Variants in GCSAM observed in about 807,000 individuals in gnomAD.
GCSAM encodes germinal center-associated signaling and motility protein.
GCSAM carries 8 observed loss-of-function variants against 17.6 expected under a neutral mutation model. The observed-to-expected ratio is 0.46, with a 90% CI of 0.27 to 0.82. The LOEUF (loss-of-function observed/expected upper bound fraction) is 0.82. Ranked by LOEUF, GCSAM falls within the 40% of genes least tolerant of loss-of-function variation. The pLI is 0.15. For missense variants in GCSAM, 192 were observed against 213.5 expected, an observed-to-expected ratio of 0.90 and a Z score of 0.63; for synonymous variants, 68 against 69.0, an observed-to-expected ratio of 0.98 and a Z score of 0.07.
intron 1 of GCSAM, among the ~76,000 whole-genome samples, chr3:112,131,762 G>A (rs564037259): frequency 6.6e-6 from 1 of 152,308 alleles, no homozygotes; most frequent in African/African-American, 2.4e-5. Context: ...CAAAACTTAT[G>A]TGAGTTGATT....
At chr3:112,126,906 G>T in intron 4 of GCSAM, 81 bp downstream of exon 4, 1 of 953,326 alleles carries the variant, frequency 1.0e-6, no homozygotes, top group Non-Finnish European at 1.7e-6. Flanking sequence ...ATGCCTAAGG[G>T]GCTTTGGGAA....
intron 3 of GCSAM, among the ~76,000 whole-genome samples, chr3:112,127,397 A>G (rs1028152142): frequency 1.3e-5 from 2 of 149,538 alleles, no homozygotes; most frequent in African/African-American, 4.9e-5. Context: ...TTCAATCTCA[A>G]TTCTAATCTA....
intron 1 of GCSAM, among the ~76,000 whole-genome samples, chr3:112,132,374 A>G (rs1264311855): frequency 6.6e-6 from 1 of 152,056 alleles, no homozygotes; most frequent in Non-Finnish European, 1.5e-5. Context: ...CCCACTTTAT[A>G]CCCTAGAGAT....
chr3:112,128,092 A>T (rs1307259476), intron 2 of GCSAM, 31 bp from the exon 3 acceptor site: 2 of 1,602,506 alleles, frequency 1.2e-6, no homozygotes, highest in South Asian at 1.1e-5. Context: ...GGCAAATCAT[A>T]AGGTTGATTT....
chr3:112,129,451 TG>T (rs1363798934), intron 2 of GCSAM: 2 of 152,228 alleles, frequency 1.3e-5, no homozygotes, highest in Admixed American at 6.5e-5. Flanking sequence ...ATGGTGGTTT[TG>T]GTTTGGGATG....
chr3:112,130,633 G>A (rs902544978), intron 1 of GCSAM, 120 bp from the exon 2 acceptor site: 5 of 873,732 alleles, frequency 5.7e-6, no homozygotes, highest in Non-Finnish European at 9.6e-6. Flanking sequence ...AAATTGACTG[G>A]TTGCCCTCAC....
chr3:112,122,283 A>C lies in GCSAM; in HGVS notation c.*1172T>G, dbSNP rs1222152549. The C allele has an allele frequency of 6.6e-6, 1 of 152,212 alleles. No homozygotes were observed. Among genetic ancestry groups the C allele is most frequent in the Non-Finnish European group, 1.5e-5 (1 of 68,036 alleles). 9.4% of individuals were successfully genotyped at this position (152,212 alleles called of 1,614,324 possible). A position where few individuals can be genotyped will look rare whatever the true frequency, so the allele number is the denominator to read the frequency against. On this transcript the variant is annotated 3_prime_UTR_variant, in exon 6 of 6. Transcript: ENST00000308910. ...TTTGGCTCTTTAGGGCCTATGGTCC[A>C]TGTCACAATTACTCAACTCTCCCAT... is the stretch of plus-strand genomic sequence containing the variant.
chr3:112,127,620 G>A (rs190192069), intron 3 of GCSAM, among the ~76,000 whole-genome samples: 2 of 152,280 alleles, frequency 1.3e-5, no homozygotes, highest in East Asian at 3.9e-4. Context: ...ACTATTTTTA[G>A]CATCCCTTTC....
chr3:112,130,897 G>A lies in GCSAM; in HGVS notation c.30-384C>T, dbSNP rs541844492. 11 of 230,024 alleles carry A rather than the reference G, an allele frequency of 4.8e-5. 1 individual carries two copies. Among genetic ancestry groups the A allele is most frequent in the Middle Eastern group, 1.7e-3 (1 of 606 alleles). The allele number at this position is 230,024 out of a possible 1,614,324, so 14.2% of individuals were successfully genotyped here. On this transcript the variant is annotated intron_variant, in intron 1 of 5. Transcript: ENST00000308910. The stretch of plus-strand genomic sequence containing the variant: ...AGCTATGCACAAGTAATGGGGAAAG[G>A]TACTGGCTTTGTCTTGTGTAAATCA...
intron 1 of GCSAM, chr3:112,132,726 G>C (rs944672440): frequency 1.2e-5 from 11 of 947,790 alleles, no homozygotes; most frequent in Non-Finnish European, 1.4e-5. Context: ...CTGAAAGAGG[G>C]TGGTGATTTT....
intron 4 of GCSAM, 69 bp downstream of exon 4, chr3:112,126,918 A>G: frequency 9.4e-7 from 1 of 1,066,204 alleles, no homozygotes; most frequent in Non-Finnish European, 1.5e-6. Flanking sequence ...CTTTGGGAAC[A>G]TAGAGAAGAA....
At chr3:112,126,631 T>A (rs1211630504) in intron 4 of GCSAM, among the ~76,000 whole-genome samples, 1 of 152,226 alleles carries the variant, frequency 6.6e-6, no homozygotes, top group Non-Finnish European at 1.5e-5. Context: ...AGGACAAAGA[T>A]GAAAATCTTT....
chr3:112,127,839 T>C (rs1043565740), intron 3 of GCSAM, among the ~76,000 whole-genome samples, 178 bp downstream of exon 3: 3 of 152,192 alleles, frequency 2.0e-5, no homozygotes, highest in Admixed American at 6.5e-5. Flanking sequence ...CATGAGACTA[T>C]TGTTCCTGTT....
At chr3:112,131,958 A>G (rs2074464442) in intron 1 of GCSAM, among the ~76,000 whole-genome samples, 1 of 152,204 alleles carries the variant, frequency 6.6e-6, no homozygotes, top group Admixed American at 6.5e-5. Flanking sequence ...ATTTTAAAGT[A>G]AAAAAATTTT....
At chr3:112,131,303 C>T (rs546437414) in intron 1 of GCSAM, among the ~76,000 whole-genome samples, 1 of 152,270 alleles carries the variant, frequency 6.6e-6, no homozygotes, top group East Asian at 1.9e-4. Flanking sequence ...GAGCTCCTCT[C>T]ATGAAGGGAT....
At chr3:112,124,252 G>A (rs926913938) in intron 5 of GCSAM, among the ~76,000 whole-genome samples, 3 of 152,078 alleles carry the variant, frequency 2.0e-5, no homozygotes, top group African/African-American at 4.8e-5. Flanking sequence ...AACACAAGTG[G>A]ACTAAGACAC....
At chr3:112,124,214 T>C (rs923141204) in intron 5 of GCSAM, among the ~76,000 whole-genome samples, 9 of 152,190 alleles carry the variant, frequency 5.9e-5, no homozygotes, top group African/African-American at 2.2e-4. Context: ...CTTTATAAAT[T>C]ACCCAGCTTT....
intron 1 of GCSAM, among the ~76,000 whole-genome samples, chr3:112,131,202 G>A (rs1313469766): frequency 3.3e-5 from 5 of 152,048 alleles, no homozygotes; most frequent in Admixed American, 3.3e-4. Context: ...GGAAACTGAG[G>A]CCCAAAATGC....
intron 2 of GCSAM, chr3:112,129,907 A>G (rs2074411418): frequency 6.5e-6 from 1 of 152,734 alleles, no homozygotes; most frequent in African/African-American, 2.4e-5. Flanking sequence ...CATTAGTTCC[A>G]TATTTTAATT....
Sources: allele counts gnomAD v4.1 joint callset (sites outside exome capture counted in the v4.1 genomes callset), GRCh38; gene constraint gnomAD v4.1.1; transcripts MANE v1.5; gene names NCBI Gene and HGNC (gene_info 2026-07-23, HGNC 2026-07-21).